Variants in BTAF1 observed in about 807,000 individuals in gnomAD.
BTAF1 encodes B-TFIID TATA-box binding protein associated factor 1, also known as TATA-binding protein-associated factor 172.
Under a neutral mutation model 227.1 loss-of-function variants are expected in BTAF1, and 38 were observed. The observed-to-expected ratio is 0.17, with a 90% CI of 0.13 to 0.22. The LOEUF (loss-of-function observed/expected upper bound fraction) is 0.22. BTAF1 is among the 10% of genes least tolerant of loss of function. BTAF1 has a pLI of 1.00. For synonymous variants in BTAF1, 742 were observed against 751.9 expected (o/e 0.99, Z 0.21); for missense variants, 1,598 against 2,204.0 (o/e 0.73, Z 5.51).
rs1370991830 is a variant in BTAF1 at position 92,031,261 on chromosome 10, C to A, written c.*2328C>A. On this transcript the variant is annotated 3_prime_UTR_variant, in exon 38 of 38. Coordinates refer to ENST00000265990, the MANE Select transcript of BTAF1 (RefSeq NM_003972.3). ...GTATAATTTTTGTTTCATATATTCA[C>A]TCATATATATGCTTATTGTATATGC... Among the ~76,000 whole-genome samples, 2 of 152,088 alleles carry A rather than the reference C, an allele frequency of 1.3e-5. No homozygotes were observed. The highest frequency in any genetic ancestry group is 4.8e-5 in the African/African-American group (2 of 41,400).
chr10:91,991,797 G>GTATATATATATATA (rs1166615338), intron 20 of BTAF1, among the ~76,000 whole-genome samples: 12 of 10,000 alleles, frequency 1.2e-3, no homozygotes, highest in African/African-American at 2.0e-3. Flanking sequence ...GTGTGTGTGT[G>GTATATATATATATA]TATATATATA....
intron 37 of BTAF1, among the ~76,000 whole-genome samples, 179 bp from the exon 38 acceptor site, chr10:92,028,611 C>T (rs1397761571): frequency 1.3e-5 from 2 of 152,038 alleles, no homozygotes; most frequent in African/African-American, 4.8e-5. Flanking sequence ...TTTTGAAGTT[C>T]TTTCCAAATA....
intron 25 of BTAF1, among the ~76,000 whole-genome samples, chr10:92,004,639 A>G (rs74707622): frequency 0.074 from 11,280 of 151,792 alleles, 1,389 homozygotes; most frequent in African/African-American, 0.26. Context: ...AGCTAACTTT[A>G]TTTATTTTGT....
intron 2 of BTAF1, among the ~76,000 whole-genome samples, chr10:91,938,425 T>C (rs915450695): frequency 1.3e-5 from 2 of 152,202 alleles, no homozygotes; most frequent in Non-Finnish European, 2.9e-5. Context: ...TGGTCAGTTT[T>C]TTAGTTAATT....
chr10:92,000,494 A>G (rs1256337955), intron 25 of BTAF1, among the ~76,000 whole-genome samples: 2 of 152,194 alleles, frequency 1.3e-5, no homozygotes, highest in African/African-American at 4.8e-5. Context: ...ATCCACTGTG[A>G]GGTGATAAAG....
chr10:91,972,042 G>A (rs777382024), intron 14 of BTAF1, among the ~76,000 whole-genome samples: 1 of 152,008 alleles, frequency 6.6e-6, no homozygotes, highest in Non-Finnish European at 1.5e-5. Context: ...TCTCCAGTAT[G>A]CTCCTTAAAG....
intron 37 of BTAF1, 102 bp from the exon 38 acceptor site, chr10:92,028,688 T>C: frequency 8.5e-7 from 1 of 1,170,478 alleles, no homozygotes; most frequent in East Asian, 2.7e-5. Flanking sequence ...CTCAATTCTG[T>C]TGAATAATTG....
chr10:91,971,214 G>C (rs1485473833), intron 14 of BTAF1, among the ~76,000 whole-genome samples: 1 of 151,866 alleles, frequency 6.6e-6, no homozygotes, highest in Non-Finnish European at 1.5e-5. Context: ...AATTTCACTT[G>C]TGTTTAGCCT....
intron 16 of BTAF1, 47 bp downstream of exon 16, chr10:91,981,839 A>G: frequency 4.5e-6 from 7 of 1,556,784 alleles, no homozygotes; most frequent in Admixed American, 2.0e-5. Flanking sequence ...TCATCTAATT[A>G]TTAATACAGT....
chr10:91,957,406 G>A, intron 8 of BTAF1, 113 bp downstream of exon 8: 1 of 764,348 alleles, frequency 1.3e-6, no homozygotes, highest in Non-Finnish European at 2.1e-6. Flanking sequence ...GTTTGTCTCA[G>A]GACTCAGGGC....
intron 23 of BTAF1, 49 bp from the exon 24 acceptor site, chr10:91,996,320 A>T: frequency 6.5e-7 from 1 of 1,530,378 alleles, no homozygotes. Context: ...GTTACATATT[A>T]AACAGTATTT....
At chr10:91,926,375 G>T (rs1422861829) in intron 1 of BTAF1, among the ~76,000 whole-genome samples, 1 of 152,152 alleles carries the variant, frequency 6.6e-6, no homozygotes, top group East Asian at 1.9e-4. Flanking sequence ...TAGTAAGTTA[G>T]TACCATTATT....
chr10:92,014,854 A>C (rs759981225), intron 32 of BTAF1, among the ~76,000 whole-genome samples: 2 of 152,230 alleles, frequency 1.3e-5, no homozygotes, highest in African/African-American at 4.8e-5. Context: ...GGTATAGCCA[A>C]TTGTTCCAAG....
intron 21 of BTAF1, among the ~76,000 whole-genome samples, chr10:91,993,163 T>C (rs1848914058): frequency 6.6e-6 from 1 of 152,240 alleles, no homozygotes; most frequent in South Asian, 2.1e-4. Flanking sequence ...GATATTTATA[T>C]CTCTAGTTTG....
At chr10:91,957,777 C>T (rs1846202493) in intron 8 of BTAF1, among the ~76,000 whole-genome samples, 2 of 152,132 alleles carry the variant, frequency 1.3e-5, no homozygotes, top group Admixed American at 6.5e-5. Flanking sequence ...ATTTAAAAAA[C>T]ATTTATTTAG....
rs753392584 is a variant in BTAF1 at position 92,028,801 on chromosome 10, A to G, written c.5418A>G (p.Ala1806=). ...DLFTLDKDGK[A]EKADTSTSGK... Reference sequence around the variant, plus strand: ...CAATTTTTCTTAAGGATGGCAAAGCAGAAAAAGCTGACACCTCTACTTCTG... The same window carrying G: ...CAATTTTTCTTAAGGATGGCAAAGCGGAAAAAGCTGACACCTCTACTTCTG... Residue 1806 remains alanine (A), a synonymous_variant, in exon 38 of 38, where the codon GCA becomes GCG. Coordinates refer to ENST00000265990, the MANE Select transcript of BTAF1 (RefSeq NM_003972.3). 6.3e-7 allele frequency: 1 copy of G among 1,589,536 alleles called. No individual in the cohort carries two copies. Among genetic ancestry groups the G allele is most frequent in the Non-Finnish European group, 8.5e-7 (1 of 1,173,148 alleles).
At chr10:91,984,153 A>C (rs1485190588) in intron 18 of BTAF1, 48 bp from the exon 19 acceptor site, 2 of 1,518,406 alleles carry the variant, frequency 1.3e-6, no homozygotes, top group East Asian at 4.6e-5. Flanking sequence ...TGTATCTATA[A>C]AGTTAATGTT....
At chr10:91,996,966 A>G (rs547359871) in intron 24 of BTAF1, 7 of 475,760 alleles carry the variant, frequency 1.5e-5, no homozygotes, top group Non-Finnish European at 2.1e-5. Flanking sequence ...AAGTTTGTTC[A>G]TTACTTGGGT....
chr10:91,976,070 T>C (rs1589854374), intron 14 of BTAF1, among the ~76,000 whole-genome samples: 1 of 152,350 alleles, frequency 6.6e-6, no homozygotes, highest in East Asian at 1.9e-4. Flanking sequence ...CTACCATCTG[T>C]AAACTGGGTT....
Sources: gnomAD v4.1 joint callset for allele counts (sites outside exome capture counted in the v4.1 genomes callset) on GRCh38, gnomAD v4.1.1 for gene constraint, MANE v1.5 for transcripts, NCBI Gene and HGNC (gene_info 2026-07-23, HGNC 2026-07-21) for gene names.